EIF2AK1: variants seen among roughly 807,000 people sequenced by gnomAD.
EIF2AK1 encodes eukaryotic translation initiation factor 2 alpha kinase 1, also known as eukaryotic translation initiation factor 2-alpha kinase 1.
Under a neutral mutation model 77.9 loss-of-function variants are expected in EIF2AK1, and 54 were observed. That is an observed-to-expected ratio of 0.69 (90% CI 0.56 to 0.87). EIF2AK1 has a LOEUF of 0.87. Among genes scored for constraint, EIF2AK1 ranks in the 40% least tolerant of loss-of-function variants. The probability of loss-of-function intolerance (pLI) is 0.00; values close to 1 mark genes in which losing one functional copy is unlikely to be tolerated. For synonymous variants in EIF2AK1, 314 were observed against 290.5 expected, an observed-to-expected ratio of 1.08 and a Z score of -0.82; for missense variants, 810 against 768.6, an observed-to-expected ratio of 1.05 and a Z score of -0.64.
intron 11 of EIF2AK1, among the ~76,000 whole-genome samples, chr7:6,030,203 C>T (rs11766558): frequency 0.68 from 103,497 of 151,728 alleles, 35,600 homozygotes; most frequent in East Asian, 0.85. Context: ...AGTTTCATTA[C>T]TGGGAAATCC....
At chr7:6,043,320 T>A (rs1009214939) in intron 7 of EIF2AK1, among the ~76,000 whole-genome samples, 2 of 152,146 alleles carry the variant, frequency 1.3e-5, no homozygotes, top group African/African-American at 4.8e-5. Flanking sequence ...CTCATGCCTG[T>A]AATCCCAACT....
chr7:6,051,781 G>A (rs1260339026), intron 2 of EIF2AK1, among the ~76,000 whole-genome samples: 1 of 151,168 alleles, frequency 6.6e-6, no homozygotes. Flanking sequence ...CACATTTGTT[G>A]CTAAAAAAAA....
chr7:6,024,484 TTAGG>T lies in EIF2AK1; in HGVS notation c.*185_*188del. 1 of 1,419,410 alleles carries T rather than the reference TTAGG, an allele frequency of 7.0e-7. No homozygotes were observed. The highest frequency in any genetic ancestry group is 1.6e-5 in the South Asian group (1 of 64,108). 87.9% of individuals were successfully genotyped at this position (1,419,410 alleles called of 1,614,324 possible). A position where few individuals can be genotyped will look rare whatever the true frequency, so the allele number is the denominator to read the frequency against. Reference sequence around the variant, plus strand: ...CAGAGACTAGGCATATGGTTAATATTTAGGTAGGAAATTCAGGAAAAGGAGCTTG... The same window carrying T: ...CAGAGACTAGGCATATGGTTAATATTTAGGAAATTCAGGAAAAGGAGCTTG... On this transcript the variant is annotated 3_prime_UTR_variant, in exon 15 of 15. Transcript: ENST00000199389.
intron 1 of EIF2AK1, among the ~76,000 whole-genome samples, chr7:6,054,976 C>T (rs1313568597): frequency 4.6e-5 from 7 of 152,080 alleles, no homozygotes; most frequent in East Asian, 1.9e-4. Flanking sequence ...TAAATCAATA[C>T]GCAAGGAAGT....
chr7:6,045,237 CTGGG>C (rs1174168882), intron 6 of EIF2AK1, among the ~76,000 whole-genome samples: 1 of 151,802 alleles, frequency 6.6e-6, no homozygotes, highest in Non-Finnish European at 1.5e-5. Flanking sequence ...TCCCGAGCAG[CTGGG>C]ATTACAAGCA....
chr7:6,024,086 C>A lies in EIF2AK1; in HGVS notation c.*587G>T. ...CTGGGGTGCGGAGTACAAAGCTTTGCAAGGGTGTGGTTTTGGAATGACGCT... is the reference window on the plus strand; with the variant it reads ...CTGGGGTGCGGAGTACAAAGCTTTGAAAGGGTGTGGTTTTGGAATGACGCT... On this transcript the variant is annotated 3_prime_UTR_variant, in exon 15 of 15. Transcript: ENST00000199389. 7.7e-7 allele frequency: 1 copy of A among 1,300,930 alleles called. No individual in the cohort carries two copies. Among genetic ancestry groups the A allele is most frequent in the Non-Finnish European group, 1.0e-6 (1 of 997,194 alleles). The allele number at this position is 1,300,930 out of a possible 1,614,324, so 80.6% of individuals were successfully genotyped here. A position where few individuals can be genotyped will look rare whatever the true frequency, so the allele number is the denominator to read the frequency against.
intron 2 of EIF2AK1, among the ~76,000 whole-genome samples, chr7:6,053,028 A>C (rs1788652443): frequency 6.6e-6 from 1 of 152,166 alleles, no homozygotes; most frequent in Admixed American, 6.6e-5. Context: ...TCATTTATTC[A>C]ATTTTATGCA....
At position 6,023,784 on chromosome 7, in the gene EIF2AK1, C is replaced by A; in HGVS notation, c.*889G>T. 6.3e-7 allele frequency: 1 copy of A among 1,599,464 alleles called. No individual in the cohort carries two copies. The highest frequency in any genetic ancestry group is 8.5e-7 in the Non-Finnish European group (1 of 1,171,736). ...AGGGGACTTGTATTAGAGTCAGAGT[C>A]TTTTTATTTAGGCCAGTTGTCAAGT... On this transcript the variant is annotated 3_prime_UTR_variant, in exon 15 of 15. Transcript: ENST00000199389.
At chr7:6,050,140 T>C in intron 2 of EIF2AK1, 95 bp from the exon 3 acceptor site, 1 of 971,816 alleles carries the variant, frequency 1.0e-6, no homozygotes, top group Non-Finnish European at 1.5e-6. Flanking sequence ...ATAATAGCAA[T>C]ATATACAAAA....
intron 6 of EIF2AK1, 51 bp from the exon 7 acceptor site, chr7:6,044,712 G>A: frequency 5.3e-6 from 8 of 1,508,570 alleles, no homozygotes; most frequent in East Asian, 2.3e-5. Context: ...CTTGTTAAAT[G>A]TTTATGCAAT....
intron 11 of EIF2AK1, among the ~76,000 whole-genome samples, chr7:6,029,967 GA>G (rs1214924562): frequency 6.6e-6 from 1 of 151,674 alleles, no homozygotes; most frequent in Non-Finnish European, 1.5e-5. Context: ...GAAACAGAGT[GA>G]GACTCTGTCT....
chr7:6,039,513 C>T (rs1260380975), intron 9 of EIF2AK1, among the ~76,000 whole-genome samples: 1 of 150,458 alleles, frequency 6.6e-6, no homozygotes, highest in African/African-American at 2.5e-5. Flanking sequence ...TCCCACTACT[C>T]AGGAGGCTGA....
chr7:6,026,365 C>T (rs1787745621), intron 14 of EIF2AK1: 2 of 465,918 alleles, frequency 4.3e-6, no homozygotes, highest in African/African-American at 2.0e-5. Flanking sequence ...TGAGAAGGTG[C>T]AAACCCTGCG....
intron 2 of EIF2AK1, among the ~76,000 whole-genome samples, chr7:6,050,767 T>G (rs1213701649): frequency 6.6e-6 from 1 of 151,956 alleles, no homozygotes; most frequent in African/African-American, 2.4e-5. Flanking sequence ...CAGGCCCAGC[T>G]AATTTTTTTG....
Position 6,024,591 on chromosome 7 carries a change from A to T in EIF2AK1, c.*82T>A. On this transcript the variant is annotated 3_prime_UTR_variant, in exon 15 of 15. Coordinates refer to ENST00000199389, the MANE Select transcript of EIF2AK1 (RefSeq NM_014413.4). ...AGTCTTGTAAAGGCTTACTAAATAC[A>T]ACGAAGCATTGTACCAACTATACCC... is the stretch of plus-strand genomic sequence containing the variant. 3 of 1,594,020 alleles carry T rather than the reference A, an allele frequency of 1.9e-6. 1 individual carries two copies. In the South Asian group the frequency reaches 3.4e-5, roughly 18 times the overall value.
intron 1 of EIF2AK1, among the ~76,000 whole-genome samples, chr7:6,055,583 A>C (rs1386963040): frequency 3.3e-5 from 5 of 151,606 alleles, no homozygotes; most frequent in East Asian, 3.9e-4. Flanking sequence ...TCCTCTTTGC[A>C]CTGTATGAGA....
At chr7:6,050,226 T>A (rs111651499) in intron 2 of EIF2AK1, among the ~76,000 whole-genome samples, 181 bp from the exon 3 acceptor site, 5 of 124,034 alleles carry the variant, frequency 4.0e-5, no homozygotes, top group African/African-American at 7.2e-5. Context: ...GTAAAAGAAA[T>A]TTTTTTTTGA....
In EIF2AK1 at chr7:6,027,319, C is replaced by T. The variant is rs56142633; in HGVS notation, c.1531-358G>A. ...CAGCTGCGGGGGAGCCACAGAAGGT[C>T]GCGGGTTCTCCTCCGGTCTCACCTC... On this transcript the variant is annotated intron_variant, in intron 13 of 14. Transcript: ENST00000199389. The surrounding 1 kb of genome is among the most constrained non-coding windows in gnomAD (Gnocchi z 4.5). 1.3e-5 allele frequency among the ~76,000 whole-genome samples: 2 copies of T among 152,312 alleles called. No individual in the cohort carries two copies. The highest frequency in any genetic ancestry group is 2.1e-4 in the South Asian group (1 of 4,828).
chr7:6,044,553 A>G lies in EIF2AK1; in HGVS notation c.730+9T>C. ...CGCTTCAACTACCATACCATCAAAAACGGCTTACCTCGTGGCTGAATCACA... is the reference window on the plus strand; with the variant it reads ...CGCTTCAACTACCATACCATCAAAAGCGGCTTACCTCGTGGCTGAATCACA... On this transcript the variant is annotated intron_variant, in intron 7 of 14. Coordinates refer to ENST00000199389, the MANE Select transcript of EIF2AK1 (RefSeq NM_014413.4). 6.2e-7 allele frequency: 1 copy of G among 1,610,114 alleles called. No homozygotes were observed. The highest frequency in any genetic ancestry group is 8.5e-7 in the Non-Finnish European group (1 of 1,177,584).
Sources: gnomAD v4.1 joint callset for allele counts (sites outside exome capture counted in the v4.1 genomes callset) on GRCh38, gnomAD v4.1.1 for gene constraint, Gnocchi (gnomAD v3.1) non-coding constraint, MANE v1.5 for transcripts, NCBI Gene and HGNC (gene_info 2026-07-23, HGNC 2026-07-21) for gene names.